Variants in MYO18B observed in about 807,000 individuals in gnomAD.
MYO18B encodes myosin XVIIIB, also known as unconventional myosin-XVIIIb.
MYO18B carries 204 observed loss-of-function variants against 273.0 expected under a neutral mutation model. The observed-to-expected ratio is 0.75, with a 90% CI of 0.67 to 0.84. MYO18B has a LOEUF of 0.84. Ranked by LOEUF, MYO18B falls within the 40% of genes least tolerant of loss-of-function variation. MYO18B has a pLI of 0.00. For missense variants in MYO18B, 3,212 were observed against 3,287.6 expected (o/e 0.98, Z 0.56); for synonymous variants, 1,330 against 1,305.7 (o/e 1.02, Z -0.40).
chr22:25,894,968 C>A, intron 27 of MYO18B, 188 bp from the exon 28 acceptor site: 1 of 647,122 alleles, frequency 1.5e-6, no homozygotes, highest in Non-Finnish European at 2.6e-6. Flanking sequence ...GGACAGGCTG[C>A]CTGGAGGAAG....
chr22:25,810,211 C>T (rs2088679070), intron 12 of MYO18B, among the ~76,000 whole-genome samples: 1 of 151,246 alleles, frequency 6.6e-6, no homozygotes, highest in Non-Finnish European at 1.5e-5. Context: ...CATTCTCCTG[C>T]CTCAGCCTCC....
chr22:26,018,468 C>T, intron 42 of MYO18B, among the ~76,000 whole-genome samples: 1 of 152,164 alleles, frequency 6.6e-6, no homozygotes, highest in Non-Finnish European at 1.5e-5. Flanking sequence ...GGGGGAGCTT[C>T]CTAAGCCTCA....
At chr22:25,810,968 G>A (rs2088724329) in intron 12 of MYO18B, among the ~76,000 whole-genome samples, 1 of 151,944 alleles carries the variant, frequency 6.6e-6, no homozygotes, top group Non-Finnish European at 1.5e-5. Flanking sequence ...TATCATACAG[G>A]ATAATTTCAC....
rs758104893 is a variant in MYO18B at position 25,828,983 on chromosome 22, G to T, written c.2979+15G>T. On this transcript the variant is annotated intron_variant, in intron 15 of 43. Coordinates refer to ENST00000335473, the MANE Select transcript of MYO18B (RefSeq NM_032608.7). ...GATATCAAGAGGTATGCCTGGGCTG[G>T]AGCAGGGCTTTCACCAGAGCTCCGT... The T allele has an allele frequency of 7.4e-6, 12 of 1,612,988 alleles. No individual in the cohort carries two copies. Among genetic ancestry groups the T allele is most frequent in the Non-Finnish European group, 9.3e-6 (11 of 1,179,348 alleles).
chr22:25,790,254 A>C (rs1176772592), intron 11 of MYO18B, among the ~76,000 whole-genome samples: 1 of 152,228 alleles, frequency 6.6e-6, no homozygotes, highest in Non-Finnish European at 1.5e-5. Flanking sequence ...GTCCATTTAC[A>C]TGGTTTTATT....
chr22:25,873,059 G>A (rs927260382), intron 22 of MYO18B, among the ~76,000 whole-genome samples: 2 of 152,176 alleles, frequency 1.3e-5, no homozygotes, highest in Admixed American at 6.5e-5. Flanking sequence ...CTACCCTTGC[G>A]CATTGGCAGG....
chr22:25,782,347 A>T (rs2087199341), intron 10 of MYO18B, among the ~76,000 whole-genome samples: 1 of 152,166 alleles, frequency 6.6e-6, no homozygotes, highest in African/African-American at 2.4e-5. Flanking sequence ...AGAAGTTTCT[A>T]AACTTTTGTG....
intron 25 of MYO18B, among the ~76,000 whole-genome samples, chr22:25,887,456 G>A (rs7292613): frequency 0.041 from 6,254 of 152,072 alleles, 425 homozygotes; most frequent in African/African-American, 0.14. Flanking sequence ...CTTCTCTCTG[G>A]CAGGCCCTTG....
chr22:25,841,836 C>T (rs1189307049), intron 17 of MYO18B, among the ~76,000 whole-genome samples: 1 of 152,222 alleles, frequency 6.6e-6, no homozygotes, highest in African/African-American at 2.4e-5. Flanking sequence ...AGGAGGCAGC[C>T]AGGTAAACAG....
intron 1 of MYO18B, among the ~76,000 whole-genome samples, chr22:25,757,216 T>C (rs2086151118): frequency 6.6e-6 from 1 of 152,160 alleles, no homozygotes; most frequent in South Asian, 2.1e-4. Context: ...TTCAATACTT[T>C]TGCATAAAAA....
At chr22:26,035,132 TGCTCATATC>T (rs1936754614), downstream of MYO18B, among the ~76,000 whole-genome samples, 1 of 152,332 alleles carries the variant, frequency 6.6e-6, no homozygotes, top group East Asian at 1.9e-4. Context: ...TAAGTCCAGT[TGCTCATATC>T]GCAGACCATG....
At chr22:25,897,389 T>C (rs1258415199) in intron 28 of MYO18B, 1 of 152,112 alleles carries the variant, frequency 6.6e-6, no homozygotes, top group Non-Finnish European at 1.5e-5. Context: ...TGGTGATGAT[T>C]TTAGTGGTCG....
intron 8 of MYO18B, 85 bp downstream of exon 8, chr22:25,777,866 A>G: frequency 7.5e-7 from 1 of 1,335,082 alleles, no homozygotes; most frequent in Non-Finnish European, 1.0e-6. Flanking sequence ...TCTTATATTC[A>G]TTCAGCTAGC....
At chr22:25,868,582 A>G (rs1360265758) in intron 22 of MYO18B, among the ~76,000 whole-genome samples, 197 bp downstream of exon 22, 2 of 152,110 alleles carry the variant, frequency 1.3e-5, no homozygotes, top group African/African-American at 4.8e-5. Flanking sequence ...AGTTGAAATC[A>G]CACTGGGAAA....
intron 23 of MYO18B, among the ~76,000 whole-genome samples, chr22:25,875,010 A>G (rs1320271589): frequency 6.6e-6 from 1 of 152,234 alleles, no homozygotes; most frequent in Non-Finnish European, 1.5e-5. Flanking sequence ...TAGAATTGTT[A>G]TTCTTAATTA....
Position 25,768,603 on chromosome 22 carries a change from G to A in MYO18B, c.687G>A (p.Val229=), listed in dbSNP as rs760634119. Reference sequence around the variant, plus strand: ...TTGGGGACCCAGGCCAAGGAACTGTGGCACTGAAAAAAGGCGAGGAGGGTC... The same window carrying A: ...TTGGGGACCCAGGCCAAGGAACTGTAGCACTGAAAAAAGGCGAGGAGGGTC... ...GGLGDPGQGT[V]ALKKGEEGQS... Residue 229 remains valine (V), a synonymous_variant, in exon 4 of 44, where the codon GTG becomes GTA. Coordinates refer to ENST00000335473, the MANE Select transcript of MYO18B (RefSeq NM_032608.7). 6.5e-7 allele frequency: 1 copy of A among 1,526,958 alleles called. No homozygotes were observed. Among genetic ancestry groups the A allele is most frequent in the South Asian group, 1.3e-5 (1 of 74,824 alleles). The allele number at this position is 1,526,958 out of a possible 1,614,324, so 94.6% of individuals were successfully genotyped here. A position where few individuals can be genotyped will look rare whatever the true frequency, so the allele number is the denominator to read the frequency against.
chr22:25,876,427 G>A (rs2091200712), intron 24 of MYO18B, 95 bp downstream of exon 24: 5 of 1,358,558 alleles, frequency 3.7e-6, no homozygotes, highest in Non-Finnish European at 3.9e-6. Context: ...ATTCCTGAAT[G>A]TTCTTGATCT....
rs540383869 is a variant in MYO18B, at chr22:25,759,854, C to T, written c.-109-1130C>T. 1.1e-3 allele frequency among the ~76,000 whole-genome samples: 168 copies of T among 152,246 alleles called. 2 individuals carry two copies. Among genetic ancestry groups the T allele is most frequent in the African/African-American group, 2.9e-3 (121 of 41,544 alleles). ...TTGACATTCTCTAGTTATCGGACTT[C>T]ATGTCTGCTCTTTCAATGCTACAGT... On this transcript the variant is annotated intron_variant, in intron 1 of 43. Coordinates refer to ENST00000335473, the MANE Select transcript of MYO18B (RefSeq NM_032608.7).
intron 10 of MYO18B, 60 bp from the exon 11 acceptor site, chr22:25,785,368 T>A: frequency 4.0e-6 from 6 of 1,516,802 alleles, no homozygotes; most frequent in Non-Finnish European, 4.5e-6. Flanking sequence ...GACGACCACC[T>A]GCCCTGCCAG....
Sources: gnomAD v4.1 joint callset for allele counts (sites outside exome capture counted in the v4.1 genomes callset) on GRCh38, gnomAD v4.1.1 for gene constraint, MANE v1.5 for transcripts, NCBI Gene and HGNC (gene_info 2026-07-23, HGNC 2026-07-21) for gene names.